Variants in TBX19 observed in about 807,000 individuals in gnomAD.
TBX19 encodes T-box transcription factor TBX19.
TBX19 carries 33 observed loss-of-function variants against 40.9 expected under a neutral mutation model. The observed-to-expected ratio is 0.81, with a 90% CI of 0.61 to 1.08. TBX19 has a LOEUF of 1.08. Ranked by LOEUF, TBX19 falls within the 50% of genes least tolerant of loss-of-function variation. The pLI, the probability that TBX19 is intolerant of heterozygous loss-of-function variation, is 0.00. For missense variants in TBX19, 494 were observed against 574.0 expected, an observed-to-expected ratio of 0.86 and a Z score of 1.42; for synonymous variants, 220 against 225.0, an observed-to-expected ratio of 0.98 and a Z score of 0.20.
chr1:168,283,132 C>T (rs1408210230), intron 1 of TBX19, among the ~76,000 whole-genome samples: 5 of 152,158 alleles, frequency 3.3e-5, no homozygotes, highest in South Asian at 2.1e-4. Context: ...TCCTTGAGCC[C>T]GGGATCAGTC....
rs183847680 is a variant in TBX19, at chr1:168,288,342, G to A, written c.204-2818G>A. 6.0e-3 allele frequency among the ~76,000 whole-genome samples: 903 copies of A among 151,764 alleles called. 6 individuals carry two copies. The highest frequency in any genetic ancestry group is 0.019 in the South Asian group (91 of 4,812). On this transcript the variant is annotated intron_variant, in intron 1 of 7. Coordinates refer to ENST00000367821, the MANE Select transcript of TBX19 (RefSeq NM_005149.3). ...CAAATTTTTCAATTTGCATTTGGTT[G>A]AATCTACAGATGCAGACCCTGGGAA...
chr1:168,310,844 A>G (rs1649504496), intron 7 of TBX19, among the ~76,000 whole-genome samples: 1 of 146,974 alleles, frequency 6.8e-6, no homozygotes, highest in Non-Finnish European at 1.5e-5. Flanking sequence ...AAATATATAA[A>G]AATATAACAG....
intron 1 of TBX19, among the ~76,000 whole-genome samples, chr1:168,284,768 CAAAAA>C (rs146281397): frequency 7.1e-4 from 53 of 74,996 alleles, no homozygotes; most frequent in African/African-American, 2.4e-3. Flanking sequence ...GACCGTGTCT[CAAAAA>C]AAAAAAAAAA....
intron 4 of TBX19, among the ~76,000 whole-genome samples, chr1:168,298,819 C>CTCCCTCCCTCCCTCCCTCCCTTCCT (rs1649185122): frequency 2.1e-5 from 1 of 47,554 alleles, no homozygotes; most frequent in Admixed American, 2.0e-4. Context: ...CCCTCCCTCC[C>CTCCCTCCCTCCCTCCCTCCCTTCCT]TTCCTTTCTT....
intron 3 of TBX19, among the ~76,000 whole-genome samples, chr1:168,295,800 C>T (rs1027612631): frequency 6.6e-6 from 1 of 152,114 alleles, no homozygotes; most frequent in African/African-American, 2.4e-5. Flanking sequence ...ATGTCCTAAC[C>T]TCCTCTGGTC....
chr1:168,303,136 T>C (rs541184386), intron 5 of TBX19, among the ~76,000 whole-genome samples: 7 of 152,128 alleles, frequency 4.6e-5, no homozygotes, highest in African/African-American at 4.8e-5. Flanking sequence ...TGGTGTGCTG[T>C]ACCCATTAAC....
At chr1:168,283,424 C>T (rs1309714174) in intron 1 of TBX19, among the ~76,000 whole-genome samples, 3 of 152,154 alleles carry the variant, frequency 2.0e-5, no homozygotes, top group Non-Finnish European at 4.4e-5. Flanking sequence ...GAAGACAAGT[C>T]CATAAGAAAT....
Position 168,312,752 on chromosome 1 carries a change from C to G in TBX19, c.1097C>G (p.Pro366Arg). 6.2e-7 allele frequency: 1 copy of G among 1,614,154 alleles called. No homozygotes were observed. The highest frequency in any genetic ancestry group is 8.5e-7 in the Non-Finnish European group (1 of 1,180,050). ...ACCATCAGCAATGGTGCCGGAGGCC[C>G]CAGTGGGCCAGGCCCGGAGGTGCAC... ...LWTISNGAGG[P>R]SGPGPEVHAS... Residue 366 changes from proline to arginine, a missense_variant, in exon 8 of 8, where the codon CCC becomes CGC. Pro to Arg is a moderately radical substitution (Grantham distance 103). Coordinates refer to ENST00000367821, the MANE Select transcript of TBX19 (RefSeq NM_005149.3).
At chr1:168,307,467 A>T (rs1649431580) in intron 6 of TBX19, among the ~76,000 whole-genome samples, 1 of 152,120 alleles carries the variant, frequency 6.6e-6, no homozygotes, top group South Asian at 2.1e-4. Context: ...ACATTAGCCT[A>T]TTCCTGAGGG....
chr1:168,300,427 A>G lies in TBX19; in HGVS notation c.671A>G (p.His224Arg), dbSNP rs1558193257. 6.2e-7 allele frequency: 1 copy of G among 1,614,096 alleles called. No homozygotes were observed. The highest frequency in any genetic ancestry group is 2.2e-5 in the East Asian group (1 of 44,876). The change falls in exon 5 of 8, where the codon CAC becomes CGC. Residue 224 changes from histidine (H) to arginine (R), a missense_variant. Coordinates refer to ENST00000367821, the MANE Select transcript of TBX19 (RefSeq NM_005149.3). Reference protein sequence around the residue: ...KAFLDAKERNHLRDVPEAISE... With the variant: ...KAFLDAKERNRLRDVPEAISE... The stretch of plus-strand genomic sequence containing the variant: ...CATTTTCTTTACTCTTTCAGAAATC[A>G]CCTAAGAGACGTACCGGAGGCTATC...
chr1:168,311,468 G>T (rs759060136), intron 7 of TBX19, among the ~76,000 whole-genome samples: 44 of 152,236 alleles, frequency 2.9e-4, no homozygotes, highest in Admixed American at 9.8e-4. Context: ...ATCCCCATAA[G>T]CTGAGCTAGC....
chr1:168,289,541 G>T (rs1353324243), intron 1 of TBX19, among the ~76,000 whole-genome samples: 2 of 152,296 alleles, frequency 1.3e-5, no homozygotes, highest in East Asian at 3.9e-4. Context: ...TGCATCGTCT[G>T]ATGCATTTTT....
intron 4 of TBX19, among the ~76,000 whole-genome samples, chr1:168,298,183 G>A (rs1386153631): frequency 6.6e-6 from 1 of 152,100 alleles, no homozygotes; most frequent in South Asian, 2.1e-4. Context: ...GCGACAGAGC[G>A]AGACTCCGTC....
chr1:168,312,601 CT>C, intron 7 of TBX19, 106 bp from the exon 8 acceptor site: 1 of 1,333,080 alleles, frequency 7.5e-7, no homozygotes, highest in South Asian at 1.2e-5. Context: ...GCCAGAAGCC[CT>C]CCTGTAACCA....
chr1:168,306,242 C>T (rs576169468), intron 6 of TBX19, among the ~76,000 whole-genome samples: 1 of 152,326 alleles, frequency 6.6e-6, no homozygotes, highest in African/African-American at 2.4e-5. Context: ...TCTACTTCCT[C>T]ATTCTTTCCT....
chr1:168,290,423 C>A (rs1406176326), intron 1 of TBX19, among the ~76,000 whole-genome samples: 1 of 152,224 alleles, frequency 6.6e-6, no homozygotes, highest in Non-Finnish European at 1.5e-5. Flanking sequence ...GTGCACGTCC[C>A]CACGCTTTCT....
At chr1:168,293,050 T>A in intron 2 of TBX19, 94 bp from the exon 3 acceptor site, 1 of 1,593,000 alleles carries the variant, frequency 6.3e-7, no homozygotes, top group Non-Finnish European at 8.5e-7. Flanking sequence ...GGGGTGGTGC[T>A]AAGCTTGGGA....
intron 3 of TBX19, among the ~76,000 whole-genome samples, chr1:168,296,968 C>A (rs1330623674): frequency 2.0e-5 from 3 of 152,154 alleles, no homozygotes; most frequent in African/African-American, 2.4e-5. Flanking sequence ...GGATATTGTT[C>A]TAGATGCTGG....
intron 7 of TBX19, among the ~76,000 whole-genome samples, chr1:168,311,081 G>A (rs942536223): frequency 6.6e-6 from 1 of 151,844 alleles, no homozygotes; most frequent in Non-Finnish European, 1.5e-5. Context: ...AGGATCATTT[G>A]CATTTGACAC....
Sources: allele counts gnomAD v4.1 joint callset (sites outside exome capture counted in the v4.1 genomes callset), GRCh38; gene constraint gnomAD v4.1.1; transcripts MANE v1.5; gene names NCBI Gene and HGNC (gene_info 2026-07-23, HGNC 2026-07-21).